The following MFN1 variants were observed in gnomAD, a reference collection of about 807,000 sequenced individuals.
MFN1 encodes mitofusin 1, also known as mitofusin-1.
MFN1 carries 65 observed loss-of-function variants against 92.4 expected under a neutral mutation model. That is an observed-to-expected ratio of 0.70 (90% CI 0.58 to 0.86). MFN1 has a LOEUF of 0.86. Among genes scored for constraint, MFN1 ranks in the 40% least tolerant of loss-of-function variants. The pLI is 0.00. For missense variants in MFN1, 781 were observed against 868.0 expected (o/e 0.90, Z 1.26); for synonymous variants, 297 against 300.9 (o/e 0.99, Z 0.13).
At position 179,348,843 on chromosome 3, in the gene MFN1, A is replaced by G. The variant is rs774517665; in HGVS notation, c.-7-2A>G. On this transcript the variant is annotated splice_acceptor_variant, in intron 1 of 17. Transcript: ENST00000471841. LOFTEE classifies it low-confidence loss of function (5UTR_SPLICE). ...TGCTTTTCTAACTTTATCTCCCTCT[A>G]GTAGCATAATGGCAGAACCTGTTTC... The G allele has an allele frequency of 6.2e-7, 1 of 1,608,858 alleles. No homozygotes were observed. Among genetic ancestry groups the G allele is most frequent in the South Asian group, 1.1e-5 (1 of 90,690 alleles).
intron 9 of MFN1, among the ~76,000 whole-genome samples, chr3:179,374,567 A>C (rs1453178357): frequency 6.6e-6 from 1 of 151,950 alleles, no homozygotes; most frequent in Admixed American, 6.6e-5. Context: ...TGTTAGCTTG[A>C]AGATAAATGA....
intron 10 of MFN1, among the ~76,000 whole-genome samples, chr3:179,375,909 C>G (rs1470921694): frequency 6.6e-6 from 1 of 152,124 alleles, no homozygotes; most frequent in Non-Finnish European, 1.5e-5. Context: ...CATGAAAATA[C>G]CAGCATTATC....
intron 6 of MFN1, among the ~76,000 whole-genome samples, chr3:179,364,612 A>G (rs761293178): frequency 6.6e-6 from 1 of 152,168 alleles, no homozygotes; most frequent in East Asian, 1.9e-4. Flanking sequence ...CTCTAGCAGT[A>G]TAGGGCTTGA....
At chr3:179,364,502 A>T in intron 6 of MFN1, 97 bp downstream of exon 6, 1 of 964,310 alleles carries the variant, frequency 1.0e-6, no homozygotes, top group South Asian at 1.5e-5. Flanking sequence ...CGTGGATTAG[A>T]AAAAACTTCT....
chr3:179,359,058 T>A, intron 4 of MFN1, 56 bp downstream of exon 4: 3 of 1,462,234 alleles, frequency 2.1e-6, no homozygotes, highest in Non-Finnish European at 2.7e-6. Flanking sequence ...CCTGAACTTA[T>A]TCTTTAATAA....
intron 4 of MFN1, among the ~76,000 whole-genome samples, chr3:179,360,993 G>A (rs986171642): frequency 1.3e-5 from 2 of 151,986 alleles, no homozygotes; most frequent in Non-Finnish European, 2.9e-5. Context: ...GCATAGTGGC[G>A]CATACCTGTA....
chr3:179,378,467 A>T (rs753145517), intron 13 of MFN1, 24 bp downstream of exon 13: 4 of 1,567,434 alleles, frequency 2.6e-6, no homozygotes, highest in East Asian at 4.5e-5. Context: ...CTACAAGGTC[A>T]TGTCTGGTTT....
intron 9 of MFN1, among the ~76,000 whole-genome samples, chr3:179,374,348 CATAT>C (rs974325951): frequency 7.2e-6 from 1 of 138,078 alleles, no homozygotes; most frequent in Non-Finnish European, 1.6e-5. Flanking sequence ...ATATATATAA[CATAT>C]ATAACATATA....
In MFN1 at chr3:179,375,240, A is replaced by G. The variant is rs1456660681; in HGVS notation, c.996A>G (p.Ala332=). The G allele has an allele frequency of 1.2e-6, 2 of 1,613,758 alleles. No individual in the cohort carries two copies. The highest frequency in any genetic ancestry group is 1.7e-6 in the Non-Finnish European group (2 of 1,179,840). The change falls in exon 10 of 18, where the codon GCA becomes GCG. Residue 332 remains alanine, a synonymous_variant. Coordinates refer to ENST00000471841, the MANE Select transcript of MFN1 (RefSeq NM_033540.3). ...CGCAGGAGTGTATCTCGCAGTCAGC[A>G]GTGAAAACAAAGTTCGAACAGCACA... The part of the protein sequence containing the change: ...QIFEECISQS[A]VKTKFEQHTI...
chr3:179,366,156 A>G (rs1712780788), intron 7 of MFN1, among the ~76,000 whole-genome samples: 1 of 152,200 alleles, frequency 6.6e-6, no homozygotes, highest in Admixed American at 6.5e-5. Context: ...GCTGTTACAC[A>G]TGCTCTGACA....
At chr3:179,379,995 AG>A (rs1401706785) in intron 14 of MFN1, among the ~76,000 whole-genome samples, 1 of 152,228 alleles carries the variant, frequency 6.6e-6, no homozygotes, top group Non-Finnish European at 1.5e-5. Context: ...TCAGCATTGC[AG>A]TGAACACGTG....
At chr3:179,356,942 A>T (rs781453099) in intron 3 of MFN1, among the ~76,000 whole-genome samples, 22 of 152,202 alleles carry the variant, frequency 1.4e-4, no homozygotes, top group South Asian at 4.1e-4. Context: ...ACCTTAATCC[A>T]TCTCCCCAAG....
rs753563355 is a variant in MFN1 at position 179,365,236 on chromosome 3, A to ATT, written c.753+21_753+22dup. On this transcript the variant is annotated intron_variant, in intron 7 of 17. Coordinates refer to ENST00000471841, the MANE Select transcript of MFN1 (RefSeq NM_033540.3). ...GAATATATGGAAGACGTAAGTTGTT[A>ATT]TTTTTTTTTTTGTAGGTTTTGAAAT... 1.1e-4 allele frequency: 137 copies of ATT among 1,194,614 alleles called. No individual in the cohort carries two copies. The highest frequency in any genetic ancestry group is 2.1e-4 in the South Asian group (12 of 58,360). 74.0% of individuals were successfully genotyped at this position (1,194,614 alleles called of 1,614,324 possible). A position where few individuals can be genotyped will look rare whatever the true frequency, so the allele number is the denominator to read the frequency against.
At chr3:179,387,564 C>T (rs1330584133) in intron 16 of MFN1, among the ~76,000 whole-genome samples, 1 of 147,504 alleles carries the variant, frequency 6.8e-6, no homozygotes, top group African/African-American at 2.5e-5. Context: ...AAATAATTGC[C>T]CTTAAGATAT....
Position 179,351,895 on chromosome 3 carries a change from T to C in MFN1, c.113-5T>C, listed in dbSNP as rs754767599. ...CACTTTTCTAATGCCATTTCAATTT[T>C]GCAGCAACATATAAGAATCCGGAAC... On this transcript the variant is annotated splice_polypyrimidine_tract_variant and splice_region_variant and intron_variant, in intron 2 of 17. Coordinates refer to ENST00000471841, the MANE Select transcript of MFN1 (RefSeq NM_033540.3). The C allele has an allele frequency of 6.3e-7, 1 of 1,588,580 alleles. No homozygotes were observed. The highest frequency in any genetic ancestry group is 1.7e-5 in the Admixed American group (1 of 58,080).
intron 14 of MFN1, among the ~76,000 whole-genome samples, chr3:179,384,293 T>C (rs989792061): frequency 2.0e-5 from 3 of 152,234 alleles, no homozygotes; most frequent in Non-Finnish European, 4.4e-5. Context: ...CATGTACATG[T>C]TTTTTATGTG....
chr3:179,375,535 A>G (rs149912154), intron 10 of MFN1, among the ~76,000 whole-genome samples, 194 bp downstream of exon 10: 1 of 152,340 alleles, frequency 6.6e-6, no homozygotes, highest in Non-Finnish European at 1.5e-5. Context: ...CCTTGCACAC[A>G]TCATTTATAT....
chr3:179,358,874 A>G lies in MFN1; in HGVS notation c.283A>G (p.Met95Val), dbSNP rs752080031. ...TGGGAAGAGCTCTGTTATCAATGCAATGTTGTGGGATAAAGTTCTCCCTAG... is the reference window on the plus strand; with the variant it reads ...TGGGAAGAGCTCTGTTATCAATGCAGTGTTGTGGGATAAAGTTCTCCCTAG... ...SSGKSSVINA[M>V]LWDKVLPSGI... The change falls in exon 4 of 18, where the codon ATG (methionine) becomes GTG (valine). Residue 95 changes from methionine (M) to valine (V), a missense_variant. Coordinates refer to ENST00000471841, the MANE Select transcript of MFN1 (RefSeq NM_033540.3). 3 of 1,613,908 alleles carry G rather than the reference A, an allele frequency of 1.9e-6. No individual in the cohort carries two copies. Among genetic ancestry groups the G allele is most frequent in the Non-Finnish European group, 2.5e-6 (3 of 1,179,954 alleles).
intron 14 of MFN1, among the ~76,000 whole-genome samples, chr3:179,381,489 G>A (rs1713465348): frequency 6.6e-6 from 1 of 152,224 alleles, no homozygotes. Context: ...TGATGCCACT[G>A]TGCTGCTTAG....
Sources: allele counts gnomAD v4.1 joint callset (sites outside exome capture counted in the v4.1 genomes callset), GRCh38; gene constraint gnomAD v4.1.1; transcripts MANE v1.5; gene names NCBI Gene and HGNC (gene_info 2026-07-23, HGNC 2026-07-21).